Variants in CDH12 observed in about 807,000 individuals in gnomAD.
CDH12 encodes cadherin 12, also known as cadherin-12.
In CDH12, 41 loss-of-function variants were observed where a neutral mutation model predicts 74.1. That is an observed-to-expected ratio of 0.55 (90% CI 0.43 to 0.72). The LOEUF is 0.72. Ranked by LOEUF, CDH12 falls within the 30% of genes least tolerant of loss-of-function variation. The pLI, the probability that CDH12 is intolerant of heterozygous loss-of-function variation, is 0.00. For synonymous variants in CDH12, 399 were observed against 355.0 expected (o/e 1.12, Z -1.39); for missense variants, 945 against 977.2 (o/e 0.97, Z 0.44).
At chr5:22,120,221 T>C (rs1745424291) in intron 4 of CDH12, among the ~76,000 whole-genome samples, 1 of 152,186 alleles carries the variant, frequency 6.6e-6, no homozygotes, top group Non-Finnish European at 1.5e-5. Flanking sequence ...ATAGTTGTGT[T>C]GCACTACATA....
At chr5:22,385,868 G>T (rs1429506876) in intron 3 of CDH12, among the ~76,000 whole-genome samples, 1 of 151,320 alleles carries the variant, frequency 6.6e-6, no homozygotes, top group Admixed American at 6.6e-5. Context: ...GGGAGAGAAG[G>T]TGGAATGGCT....
intron 1 of CDH12, among the ~76,000 whole-genome samples, chr5:22,569,771 G>GT (rs1221072451): frequency 3.9e-5 from 6 of 152,152 alleles, no homozygotes; most frequent in East Asian, 1.9e-4. Flanking sequence ...TCTAACTCTA[G>GT]TTTTTTTGCT....
intron 2 of CDH12, among the ~76,000 whole-genome samples, chr5:22,438,414 T>C (rs577620911): frequency 6.5e-4 from 99 of 152,126 alleles, no homozygotes; most frequent in African/African-American, 2.3e-3. Context: ...ATATTGAAGC[T>C]CACAGAAGTG....
chr5:22,309,099 T>C (rs563297632), intron 3 of CDH12, among the ~76,000 whole-genome samples: 89 of 152,244 alleles, frequency 5.8e-4, no homozygotes, highest in Non-Finnish European at 1.2e-3. Context: ...AATCAAGGTA[T>C]ACAGTATTGT....
intron 7 of CDH12, among the ~76,000 whole-genome samples, chr5:21,850,028 TC>T (rs1750378977): frequency 2.0e-5 from 3 of 151,572 alleles, no homozygotes; most frequent in Non-Finnish European, 4.4e-5. Flanking sequence ...GGGACAGTGT[TC>T]TAAGTGAAAT....
chr5:22,015,127 A>C (rs1273973473), intron 5 of CDH12, among the ~76,000 whole-genome samples: 1 of 152,172 alleles, frequency 6.6e-6, no homozygotes, highest in Non-Finnish European at 1.5e-5. Context: ...TTGTGAAGCA[A>C]TCAGTTTAAT....
intron 4 of CDH12, among the ~76,000 whole-genome samples, chr5:22,191,625 C>T (rs1271401252): frequency 1.2e-4 from 7 of 58,808 alleles, no homozygotes; most frequent in African/African-American, 2.2e-4. Context: ...AGTGCAGTGG[C>T]GGGATCTCGG....
chr5:22,470,886 C>G (rs1045435903), intron 2 of CDH12, among the ~76,000 whole-genome samples: 1 of 149,030 alleles, frequency 6.7e-6, no homozygotes, highest in Non-Finnish European at 1.5e-5. Context: ...TTCTTCAACA[C>G]TCCTGCTACT....
intron 1 of CDH12, among the ~76,000 whole-genome samples, chr5:22,704,153 A>C (rs1431610738): frequency 6.6e-6 from 1 of 152,132 alleles, no homozygotes; most frequent in Non-Finnish European, 1.5e-5. Context: ...AAATTGTAAA[A>C]GTTTTGCAGC....
chr5:22,445,001 A>C lies in CDH12; in HGVS notation c.-427-39650T>G, dbSNP rs73742103. On this transcript the variant is annotated intron_variant, in intron 2 of 14. Transcript: ENST00000382254. ...AATAATAAAATACCATTTTTAAGGC[A>C]GTTGAATTTCAATTAGAGAACTTAC... is the stretch of plus-strand genomic sequence containing the variant. 2.6e-3 allele frequency among the ~76,000 whole-genome samples: 403 copies of C among 152,194 alleles called. 1 individual carries two copies. Among genetic ancestry groups the C allele is most frequent in the African/African-American group, 9.5e-3 (393 of 41,554 alleles).
intron 5 of CDH12, among the ~76,000 whole-genome samples, chr5:22,023,881 AAC>A (rs1288293754): frequency 6.6e-6 from 1 of 152,194 alleles, no homozygotes; most frequent in African/African-American, 2.4e-5. Flanking sequence ...CCTCCCTCTT[AAC>A]ACAGTTATGT....
At chr5:21,978,305 G>A (rs1021540085) in intron 5 of CDH12, among the ~76,000 whole-genome samples, 3 of 152,156 alleles carry the variant, frequency 2.0e-5, no homozygotes, top group African/African-American at 7.2e-5. Context: ...ACCATGCCAG[G>A]CTAATTTTTG....
rs1026162206 is a variant in CDH12, at chr5:22,853,266, G to C, written c.-731C>G. 6.6e-6 allele frequency: 1 copy of C among 152,156 alleles called. No individual in the cohort carries two copies. Among genetic ancestry groups the C allele is most frequent in the Non-Finnish European group, 1.5e-5 (1 of 68,092 alleles). The allele number at this position is 152,156 out of a possible 1,614,324, so 9.4% of individuals were successfully genotyped here. On this transcript the variant is annotated 5_prime_UTR_variant, in exon 1 of 15. Coordinates refer to ENST00000382254, the MANE Select transcript of CDH12 (RefSeq NM_004061.5). Reference sequence around the variant, plus strand: ...GCCAGTAGACACCACTTTCTTCCTGGAAGAGGCTGCCTCTCTTCTCAGAAA... The same window carrying C: ...GCCAGTAGACACCACTTTCTTCCTGCAAGAGGCTGCCTCTCTTCTCAGAAA...
intron 6 of CDH12, among the ~76,000 whole-genome samples, chr5:21,959,595 C>A (rs2150108752): frequency 6.6e-6 from 1 of 151,740 alleles, no homozygotes; most frequent in South Asian, 2.1e-4. Flanking sequence ...AAACAGACTT[C>A]AAACCAACAA....
chr5:22,077,080 G>A (rs556958470), intron 5 of CDH12, among the ~76,000 whole-genome samples: 70 of 150,830 alleles, frequency 4.6e-4, no homozygotes, highest in African/African-American at 1.5e-3. Flanking sequence ...GTGTGTGTGC[G>A]CGTGTGTATT....
chr5:21,802,459 T>C lies in CDH12; in HGVS notation c.1003-39A>G, dbSNP rs1438980884. ...AAATTAAGAATAAGGAGTAAATTTA[T>C]ATAGAATGTGGCAGAAATGGTGAAC... is the stretch of plus-strand genomic sequence containing the variant. On this transcript the variant is annotated intron_variant, in intron 9 of 14. Coordinates refer to ENST00000382254, the MANE Select transcript of CDH12 (RefSeq NM_004061.5). 5.2e-6 allele frequency: 8 copies of C among 1,542,542 alleles called. No individual in the cohort carries two copies. The Admixed American group carries it at 1.4e-4, about 26-fold the overall frequency.
intron 9 of CDH12, among the ~76,000 whole-genome samples, chr5:21,814,241 A>G (rs1413626708): frequency 6.6e-6 from 1 of 151,920 alleles, no homozygotes; most frequent in Admixed American, 6.6e-5. Context: ...CTATTTTAAT[A>G]AAAGTATTAT....
chr5:22,502,924 C>T (rs1001863836), intron 2 of CDH12, among the ~76,000 whole-genome samples: 2 of 152,048 alleles, frequency 1.3e-5, no homozygotes, highest in Non-Finnish European at 1.5e-5. Context: ...TATCATATAT[C>T]TTTGTGCCTT....
chr5:22,570,286 T>C (rs1186347702), intron 1 of CDH12, among the ~76,000 whole-genome samples: 1 of 152,026 alleles, frequency 6.6e-6, no homozygotes, highest in Admixed American at 6.6e-5. Flanking sequence ...TGATCTCAAG[T>C]GATCCTCCTG....
Sources: gnomAD v4.1 joint callset for allele counts (sites outside exome capture counted in the v4.1 genomes callset) on GRCh38, gnomAD v4.1.1 for gene constraint, MANE v1.5 for transcripts, NCBI Gene and HGNC (gene_info 2026-07-23, HGNC 2026-07-21) for gene names.